The following DCAF1 variants were observed in gnomAD, a reference collection of about 807,000 sequenced individuals.
DCAF1 encodes the protein DDB1 and CUL4 associated factor 1.
A neutral mutation model predicts 128.0 loss-of-function variants in DCAF1; 15 were observed. That is an observed-to-expected ratio of 0.12 (90% CI 0.08 to 0.18). DCAF1 has a LOEUF of 0.18. DCAF1 is among the 10% of genes least tolerant of loss of function. The pLI, the probability that DCAF1 is intolerant of heterozygous loss-of-function variation, is 1.00. For missense variants in DCAF1, 988 were observed against 1,649.5 expected, an observed-to-expected ratio of 0.60 and a Z score of 6.95; for synonymous variants, 610 against 603.0, an observed-to-expected ratio of 1.01 and a Z score of -0.17.
intron 24 of DCAF1, among the ~76,000 whole-genome samples, chr3:51,400,847 A>C (rs1234706742): frequency 1.3e-5 from 2 of 151,884 alleles, no homozygotes; most frequent in East Asian, 3.9e-4. Flanking sequence ...AAGATCTCAG[A>C]ATCAGGCCGG....
intron 16 of DCAF1, among the ~76,000 whole-genome samples, chr3:51,418,463 G>A (rs368401019): frequency 1.4e-4 from 21 of 152,220 alleles, no homozygotes; most frequent in African/African-American, 4.6e-4. Flanking sequence ...AAGGGAGGGG[G>A]GAAAATGAGA....
At chr3:51,406,648 T>A (rs1553626742) in intron 23 of DCAF1, among the ~76,000 whole-genome samples, 1 of 152,118 alleles carries the variant, frequency 6.6e-6, no homozygotes, top group African/African-American at 2.4e-5. Context: ...ATAGGTCAAC[T>A]GGCATAAGCT....
At chr3:51,494,869 A>G (rs965418383) in intron 2 of DCAF1, among the ~76,000 whole-genome samples, 1 of 152,116 alleles carries the variant, frequency 6.6e-6, no homozygotes. Flanking sequence ...AAAACACTAA[A>G]ATTTTAGAGT....
chr3:51,476,067 T>C (rs1705410240), intron 3 of DCAF1, among the ~76,000 whole-genome samples: 1 of 152,082 alleles, frequency 6.6e-6, no homozygotes, highest in Admixed American at 6.6e-5. Context: ...GTGGGGTTTT[T>C]TTCTTCTGTT....
intron 23 of DCAF1, among the ~76,000 whole-genome samples, chr3:51,405,483 C>A (rs2106924366): frequency 6.6e-6 from 1 of 152,268 alleles, no homozygotes; most frequent in South Asian, 2.1e-4. Flanking sequence ...CAGAAGGCCA[C>A]AAACACATAT....
chr3:51,505,489 G>A, the DCAF1 span, among the ~76,000 whole-genome samples: 1 of 152,176 alleles, frequency 6.6e-6, no homozygotes, highest in African/African-American at 2.4e-5. Flanking sequence ...ATCAAGACGG[G>A]AGTTTCTAGG....
chr3:51,423,681 T>TG (rs1699637357), intron 13 of DCAF1, among the ~76,000 whole-genome samples: 1 of 151,682 alleles, frequency 6.6e-6, no homozygotes, highest in Non-Finnish European at 1.5e-5. Context: ...CAGCCAGGCA[T>TG]GGTGGTGGGC....
rs201374447 is a variant in DCAF1 at position 51,481,529 on chromosome 3, T to TA, written c.110+2189dup. Among the ~76,000 whole-genome samples, 220 of 150,792 alleles carry TA rather than the reference T, an allele frequency of 1.5e-3. 4 individuals carry two copies. The East Asian group carries it at 0.033, about 23-fold the overall frequency. On this transcript the variant is annotated intron_variant, in intron 3 of 24. Transcript: ENST00000684031. ...CAACATGGCAAAACCCTATCTCTACTAAAAAAAACAGAAAAATTAGCCGAG... is the reference window on the plus strand; with the variant it reads ...CAACATGGCAAAACCCTATCTCTACTAAAAAAAAACAGAAAAATTAGCCGAG...
chr3:51,419,724 C>A lies in DCAF1; in HGVS notation c.3236+10G>T. The A allele has an allele frequency of 1.1e-5, 17 of 1,588,150 alleles. No homozygotes were observed. Among genetic ancestry groups the A allele is most frequent in the Non-Finnish European group, 1.5e-5 (17 of 1,166,262 alleles). On this transcript the variant is annotated intron_variant, in intron 15 of 24. Transcript: ENST00000684031. Reference sequence around the variant, plus strand: ...CAATTCCCAGGGAGTAAGAAGGGGCCTCTTCTTACCTGCTAAAGATAAGGT... The same window carrying A: ...CAATTCCCAGGGAGTAAGAAGGGGCATCTTCTTACCTGCTAAAGATAAGGT...
rs192851913 is a variant in DCAF1 at position 51,484,465 on chromosome 3, T to C, written c.-8-629A>G. Among the ~76,000 whole-genome samples, 18 of 151,822 alleles carry C rather than the reference T, an allele frequency of 1.2e-4. No individual in the cohort carries two copies. The East Asian group carries it at 3.5e-3, about 30-fold the overall frequency. On this transcript the variant is annotated intron_variant, in intron 2 of 24. Transcript: ENST00000684031. ...TCCAGCTTGGGCGACAGAGCAAGACTCCGTCTCAAAAAGAAAAAAAAATAG... is the reference window on the plus strand; with the variant it reads ...TCCAGCTTGGGCGACAGAGCAAGACCCCGTCTCAAAAAGAAAAAAAAATAG...
chr3:51,499,209 T>C (rs183493081), intron 1 of DCAF1, among the ~76,000 whole-genome samples: 25 of 152,342 alleles, frequency 1.6e-4, no homozygotes, highest in African/African-American at 5.3e-4. Flanking sequence ...AAAACTACTA[T>C]AACCCCCGGA....
At chr3:51,467,624 T>G (rs142965891) in intron 4 of DCAF1, among the ~76,000 whole-genome samples, 1 of 152,024 alleles carries the variant, frequency 6.6e-6, no homozygotes, top group Non-Finnish European at 1.5e-5. Context: ...GTTGTGCACA[T>G]GTACCCTAGA....
Position 51,469,421 on chromosome 3 carries a change from G to A in DCAF1, c.187+1508C>T, listed in dbSNP as rs1704494132. On this transcript the variant is annotated intron_variant, in intron 4 of 24. Coordinates refer to ENST00000684031, the MANE Select transcript of DCAF1 (RefSeq NM_001387579.1). ...AATTTTGTATATTTAGTAGAGACGG[G>A]GTTTTTCCATGTTGGTCAGGCTGGT... Among the ~76,000 whole-genome samples, 4 of 151,510 alleles carry A rather than the reference G, an allele frequency of 2.6e-5. 1 individual carries two copies. In the South Asian group the frequency reaches 6.3e-4, roughly 24 times the overall value.
intron 1 of DCAF1, among the ~76,000 whole-genome samples, 187 bp downstream of exon 1, chr3:51,499,686 G>A (rs905207675): frequency 6.6e-6 from 1 of 151,756 alleles, no homozygotes. Context: ...AGAATCAGGA[G>A]GAGGAAAAGT....
At chr3:51,410,991 C>G (rs1698357904) in intron 23 of DCAF1, among the ~76,000 whole-genome samples, 1 of 151,950 alleles carries the variant, frequency 6.6e-6, no homozygotes, top group African/African-American at 2.4e-5. Flanking sequence ...AACCCCATCT[C>G]TACTAAAAAA....
At chr3:51,413,727 C>T (rs1553629361) in intron 20 of DCAF1, among the ~76,000 whole-genome samples, 5 of 152,194 alleles carry the variant, frequency 3.3e-5, no homozygotes, top group African/African-American at 9.7e-5. Flanking sequence ...TCTTTCCATA[C>T]AAGATTTCCT....
intron 2 of DCAF1, among the ~76,000 whole-genome samples, chr3:51,489,499 G>C (rs1005486014): frequency 6.6e-6 from 1 of 151,784 alleles, no homozygotes; most frequent in African/African-American, 2.4e-5. Context: ...GCAAGAAAAA[G>C]AAATATAGGC....
chr3:51,443,035 T>C (rs1218689069), intron 7 of DCAF1, among the ~76,000 whole-genome samples: 2 of 151,646 alleles, frequency 1.3e-5, no homozygotes, highest in African/African-American at 4.8e-5. Flanking sequence ...ACCTATGTAA[T>C]AAACGTGCAC....
chr3:51,410,524 A>ACAG (rs1698304589), intron 23 of DCAF1, among the ~76,000 whole-genome samples: 11 of 9,410 alleles, frequency 1.2e-3, no homozygotes, highest in African/African-American at 2.6e-3. Context: ...AATCTCAACA[A>ACAG]AACACTCTTG....
Sources: allele counts gnomAD v4.1 joint callset (sites outside exome capture counted in the v4.1 genomes callset), GRCh38; gene constraint gnomAD v4.1.1; transcripts MANE v1.5; gene names NCBI Gene and HGNC (gene_info 2026-07-23, HGNC 2026-07-21).